The following BMPR1B variants were observed in gnomAD, a reference collection of about 807,000 sequenced individuals.
BMPR1B encodes the protein bone morphogenetic protein receptor type 1B, also known as bone morphogenetic protein receptor type-1B.
A neutral mutation model predicts 59.1 loss-of-function variants in BMPR1B; 12 were observed. The ratio of observed to expected loss-of-function variants is 0.20; its 90% CI spans 0.13 to 0.33. The LOEUF is 0.33. Ranked by LOEUF, BMPR1B falls within the 10% of genes least tolerant of loss-of-function variation. The pLI is 1.00. For synonymous variants in BMPR1B, 237 were observed against 207.3 expected (o/e 1.14, Z -1.23); for missense variants, 550 against 610.9 (o/e 0.90, Z 1.05).
At chr4:94,758,675 C>T (rs1227351098) in intron 1 of BMPR1B, among the ~76,000 whole-genome samples, 1 of 152,024 alleles carries the variant, frequency 6.6e-6, no homozygotes, top group Non-Finnish European at 1.5e-5. Flanking sequence ...CTTCAGTTGC[C>T]TGTCTCTTCT....
intron 2 of BMPR1B, among the ~76,000 whole-genome samples, chr4:94,927,402 A>C (rs1400043547): frequency 1.3e-5 from 2 of 152,174 alleles, no homozygotes; most frequent in Non-Finnish European, 2.9e-5. Context: ...CAAGGCACAG[A>C]CATTCTGTGA....
intron 2 of BMPR1B, among the ~76,000 whole-genome samples, chr4:94,876,283 A>G (rs764465769): frequency 5.9e-5 from 9 of 152,220 alleles, no homozygotes; most frequent in Admixed American, 2.0e-4. Flanking sequence ...ACATTATGCC[A>G]TTTTAAAGCA....
intron 1 of BMPR1B, among the ~76,000 whole-genome samples, chr4:94,827,866 G>A (rs1724440099): frequency 6.6e-6 from 1 of 152,204 alleles, no homozygotes; most frequent in East Asian, 1.9e-4. Context: ...GTGTCATGGA[G>A]AGATGACTGG....
intron 2 of BMPR1B, among the ~76,000 whole-genome samples, chr4:94,938,061 T>G (rs1467794777): frequency 2.6e-5 from 4 of 152,194 alleles, no homozygotes; most frequent in South Asian, 4.1e-4. Context: ...AGTTGAGGTA[T>G]GCATTGTGCT....
chr4:95,142,724 G>A (rs1446793644), intron 10 of BMPR1B, among the ~76,000 whole-genome samples: 2 of 151,864 alleles, frequency 1.3e-5, no homozygotes, highest in Non-Finnish European at 2.9e-5. Context: ...TTGCCACAGC[G>A]GGCTGTGCTT....
chr4:95,135,437 A>G (rs1045472751), intron 10 of BMPR1B, among the ~76,000 whole-genome samples: 7 of 152,090 alleles, frequency 4.6e-5, no homozygotes, highest in Admixed American at 2.6e-4. Flanking sequence ...CATTGAATCT[A>G]TAAATTACCT....
chr4:94,947,206 A>G (rs751423029), intron 2 of BMPR1B, among the ~76,000 whole-genome samples: 1 of 152,224 alleles, frequency 6.6e-6, no homozygotes, highest in Non-Finnish European at 1.5e-5. Flanking sequence ...AAATGAGAGA[A>G]TTGATGTATG....
At chr4:95,006,867 T>C (rs937874305) in intron 3 of BMPR1B, among the ~76,000 whole-genome samples, 7 of 152,004 alleles carry the variant, frequency 4.6e-5, no homozygotes, top group Admixed American at 2.6e-4. Flanking sequence ...AACTTTACAG[T>C]ATAATATATG....
At chr4:94,928,674 G>C (rs546563424) in intron 2 of BMPR1B, among the ~76,000 whole-genome samples, 1 of 151,346 alleles carries the variant, frequency 6.6e-6, no homozygotes, top group African/African-American at 2.4e-5. Flanking sequence ...CACTATAGCT[G>C]TTTTGCCTGA....
chr4:95,018,757 A>G (rs1286333379), intron 3 of BMPR1B, among the ~76,000 whole-genome samples: 2 of 152,166 alleles, frequency 1.3e-5, no homozygotes, highest in African/African-American at 4.8e-5. Context: ...CTAGGATTCA[A>G]TTTTGGGTTG....
intron 3 of BMPR1B, among the ~76,000 whole-genome samples, chr4:94,996,794 A>G (rs547402905): frequency 1.3e-4 from 20 of 152,208 alleles, no homozygotes; most frequent in African/African-American, 4.8e-4. Flanking sequence ...GCGACTCCCT[A>G]CTCAATCTCA....
chr4:95,043,961 G>T (rs1560613960), intron 3 of BMPR1B, among the ~76,000 whole-genome samples: 1 of 152,112 alleles, frequency 6.6e-6, no homozygotes, highest in African/African-American at 2.4e-5. Flanking sequence ...GCTCAATTTT[G>T]TAACAAATGT....
intron 1 of BMPR1B, among the ~76,000 whole-genome samples, chr4:94,800,696 T>C (rs1723374212): frequency 6.6e-6 from 1 of 152,174 alleles, no homozygotes; most frequent in Admixed American, 6.5e-5. Flanking sequence ...TCATGAACAC[T>C]TTGCCTTCCT....
At chr4:94,844,343 A>T (rs936150564) in intron 1 of BMPR1B, among the ~76,000 whole-genome samples, 1 of 151,968 alleles carries the variant, frequency 6.6e-6, no homozygotes, top group Non-Finnish European at 1.5e-5. Flanking sequence ...AACAGAAACT[A>T]ATCTTAAGGA....
chr4:94,990,949 C>T (rs1444028528), intron 2 of BMPR1B, among the ~76,000 whole-genome samples: 1 of 152,178 alleles, frequency 6.6e-6, no homozygotes, highest in Admixed American at 6.5e-5. Context: ...AGCTCAGCTG[C>T]CAGTGCTTTT....
At chr4:95,020,577 CAAA>C (rs10549500) in intron 3 of BMPR1B, among the ~76,000 whole-genome samples, 291 of 123,724 alleles carry the variant, frequency 2.4e-3, no homozygotes, top group Admixed American at 3.8e-3. Flanking sequence ...GACTCCATCT[CAAA>C]AAAAAAAAAA....
rs1029006442 is a variant in BMPR1B at position 94,799,493 on chromosome 4, G to C, written c.-183+41425G>C. 9.9e-5 allele frequency among the ~76,000 whole-genome samples: 15 copies of C among 151,754 alleles called. 1 individual carries two copies. Among genetic ancestry groups the C allele is most frequent in the Non-Finnish European group, 1.8e-4 (12 of 67,912 alleles). On this transcript the variant is annotated intron_variant, in intron 1 of 12. Transcript: ENST00000515059. ...TAAGTTTTTGTATTTTAGTAGAGAC[G>C]GGGTTTCACCATGTTGGCCAGGATG...
At chr4:94,791,509 A>G (rs1219105962) in intron 1 of BMPR1B, among the ~76,000 whole-genome samples, 2 of 152,214 alleles carry the variant, frequency 1.3e-5, no homozygotes, top group Non-Finnish European at 2.9e-5. Flanking sequence ...AAATATTTTA[A>G]TGACATTTAA....
At chr4:94,902,079 GTGTGT>G (rs1324059780) in intron 2 of BMPR1B, among the ~76,000 whole-genome samples, 333 of 137,426 alleles carry the variant, frequency 2.4e-3, no homozygotes, top group Non-Finnish European at 4.4e-3. Context: ...GTGTGTGTGT[GTGTGT>G]GTGGGGTGTA....
Sources: allele counts gnomAD v4.1 joint callset (sites outside exome capture counted in the v4.1 genomes callset), GRCh38; gene constraint gnomAD v4.1.1; transcripts MANE v1.5; gene names NCBI Gene and HGNC (gene_info 2026-07-23, HGNC 2026-07-21).